Variants in RSU1 observed in about 807,000 individuals in gnomAD.
The protein encoded by RSU1 is Ras suppressor protein 1, also known as rsu-1.
Under a neutral mutation model 31.1 loss-of-function variants are expected in RSU1, and 26 were observed. The ratio of observed to expected loss-of-function variants is 0.84; its 90% CI spans 0.61 to 1.16. RSU1 has a LOEUF of 1.16. Among genes scored for constraint, RSU1 ranks in the 50% most tolerant of loss-of-function variants. The pLI, the probability that RSU1 is intolerant of heterozygous loss-of-function variation, is 0.00. For missense variants in RSU1, 320 were observed against 339.1 expected, an observed-to-expected ratio of 0.94 and a Z score of 0.44; for synonymous variants, 164 against 136.3, an observed-to-expected ratio of 1.20 and a Z score of -1.41.
intron 8 of RSU1, among the ~76,000 whole-genome samples, chr10:16,687,066 G>A (rs1344892880): frequency 1.3e-5 from 2 of 152,186 alleles, no homozygotes; most frequent in Non-Finnish European, 2.9e-5. Flanking sequence ...GAGGACCAGA[G>A]GGAAGTAGTG....
At chr10:16,636,142 A>C (rs1834341437) in intron 8 of RSU1, among the ~76,000 whole-genome samples, 1 of 151,980 alleles carries the variant, frequency 6.6e-6, no homozygotes, top group Admixed American at 6.6e-5. Context: ...TCAACCAACA[A>C]CACATCTCTA....
Position 16,592,182 on chromosome 10 carries a change from A to G in RSU1, c.*1212T>C, listed in dbSNP as rs1470064428. On this transcript the variant is annotated 3_prime_UTR_variant, in exon 9 of 9. Transcript: ENST00000345264. ...AGTGGGTCCTGGTCTTGGGAGCTCA[A>G]CTGGGAAGCCGAAAGGACACAGCAG... 1 of 152,148 alleles carries G rather than the reference A, an allele frequency of 6.6e-6. No individual in the cohort carries two copies. Among genetic ancestry groups the G allele is most frequent in the East Asian group, 1.9e-4 (1 of 5,198 alleles). The allele number at this position is 152,148 out of a possible 1,614,324, so 9.4% of individuals were successfully genotyped here.
intron 2 of RSU1, among the ~76,000 whole-genome samples, chr10:16,784,527 T>A (rs1341237320): frequency 6.6e-6 from 1 of 152,134 alleles, no homozygotes; most frequent in African/African-American, 2.4e-5. Context: ...GCAGGCATCT[T>A]CACATGGGGT....
chr10:16,790,513 G>A (rs1837889417), intron 2 of RSU1, among the ~76,000 whole-genome samples: 2 of 152,176 alleles, frequency 1.3e-5, no homozygotes, highest in Admixed American at 1.3e-4. Flanking sequence ...ACTGAGAAAT[G>A]CTTTAGGGTA....
chr10:16,626,049 CTT>C (rs112699947), intron 8 of RSU1, among the ~76,000 whole-genome samples: 18 of 144,162 alleles, frequency 1.2e-4, no homozygotes, highest in Admixed American at 1.4e-4. Flanking sequence ...TTCCTTTTTT[CTT>C]TTTTTTTTTT....
At chr10:16,681,270 A>G (rs1835323947) in intron 8 of RSU1, among the ~76,000 whole-genome samples, 1 of 152,206 alleles carries the variant, frequency 6.6e-6, no homozygotes, top group Non-Finnish European at 1.5e-5. Context: ...TTATCTGATA[A>G]TAAATTTTTG....
At chr10:16,709,279 AATG>A (rs1235991803) in intron 7 of RSU1, among the ~76,000 whole-genome samples, 2 of 152,048 alleles carry the variant, frequency 1.3e-5, no homozygotes, top group Admixed American at 6.5e-5. Context: ...GTTTACTGAG[AATG>A]ATGATTTCCA....
chr10:16,783,847 AAC>A (rs1837712720), intron 2 of RSU1, among the ~76,000 whole-genome samples: 1 of 152,092 alleles, frequency 6.6e-6, no homozygotes, highest in Admixed American at 6.5e-5. Flanking sequence ...CAACCATTAA[AAC>A]AGTTAACCCA....
At chr10:16,731,555 G>A (rs919463831) in intron 7 of RSU1, among the ~76,000 whole-genome samples, 3 of 152,088 alleles carry the variant, frequency 2.0e-5, no homozygotes, top group South Asian at 2.1e-4. Context: ...AAGCTTTTAC[G>A]GTGCCTGGCA....
intron 8 of RSU1, among the ~76,000 whole-genome samples, chr10:16,646,166 C>T (rs1226811432): frequency 6.6e-6 from 1 of 151,206 alleles, no homozygotes; most frequent in Non-Finnish European, 1.5e-5. Context: ...GTTTCTGGAA[C>T]CACTGGGCAC....
At chr10:16,730,482 G>T (rs1451312873) in intron 7 of RSU1, among the ~76,000 whole-genome samples, 1 of 152,174 alleles carries the variant, frequency 6.6e-6, no homozygotes, top group Non-Finnish European at 1.5e-5. Context: ...AACCACCACA[G>T]ATGAGTGAGA....
At chr10:16,773,606 T>C (rs554198124) in intron 3 of RSU1, among the ~76,000 whole-genome samples, 3 of 152,334 alleles carry the variant, frequency 2.0e-5, no homozygotes, top group South Asian at 4.1e-4. Flanking sequence ...TGTCGCCTCC[T>C]CATTCTGGTC....
chr10:16,617,614 G>T lies in RSU1; in HGVS notation c.732-24118C>A, dbSNP rs547685100. Reference sequence around the variant, plus strand: ...CTACAAGGCTACAGTAACCAAAACAGCATGGTACTGGTATCAAAACAGATA... The same window carrying T: ...CTACAAGGCTACAGTAACCAAAACATCATGGTACTGGTATCAAAACAGATA... On this transcript the variant is annotated intron_variant, in intron 8 of 8. Transcript: ENST00000345264. Among the ~76,000 whole-genome samples, 281 of 152,294 alleles carry T rather than the reference G, an allele frequency of 1.8e-3. 9 individuals are homozygous for T. The South Asian group carries it at 0.057, about 31-fold the overall frequency.
intron 8 of RSU1, among the ~76,000 whole-genome samples, chr10:16,662,829 G>C (rs1834913075): frequency 1.3e-5 from 2 of 151,992 alleles, no homozygotes; most frequent in Admixed American, 6.6e-5. Context: ...AAAAGTAAAA[G>C]ACAAAATAAT....
intron 8 of RSU1, among the ~76,000 whole-genome samples, chr10:16,692,730 T>A (rs2131560353): frequency 6.6e-6 from 1 of 152,194 alleles, no homozygotes; most frequent in African/African-American, 2.4e-5. Flanking sequence ...TACATTCGTA[T>A]TTTTTTAAAA....
At chr10:16,602,143 C>A (rs145114112) in intron 8 of RSU1, among the ~76,000 whole-genome samples, 9 of 152,140 alleles carry the variant, frequency 5.9e-5, no homozygotes, top group African/African-American at 2.2e-4. Flanking sequence ...TATTTTGAGG[C>A]CTTGAAGACT....
intron 8 of RSU1, among the ~76,000 whole-genome samples, chr10:16,611,925 C>T (rs1217854022): frequency 1.3e-5 from 2 of 152,170 alleles, no homozygotes; most frequent in African/African-American, 2.4e-5. Flanking sequence ...GAAATTCATT[C>T]GTGATTCTTG....
At position 16,592,327 on chromosome 10, in the gene RSU1, A is replaced by G. The variant is rs1833520948; in HGVS notation, c.*1067T>C. 6.6e-6 allele frequency: 1 copy of G among 152,194 alleles called. No individual in the cohort carries two copies. Among genetic ancestry groups the G allele is most frequent in the South Asian group, 2.1e-4 (1 of 4,834 alleles). 9.4% of individuals were successfully genotyped at this position (152,194 alleles called of 1,614,324 possible). Reference sequence around the variant, plus strand: ...TCTGGGGTTGACAGCCCTTTCAGTGAGCACAAAACCTCAGCTTGCATTTAT... The same window carrying G: ...TCTGGGGTTGACAGCCCTTTCAGTGGGCACAAAACCTCAGCTTGCATTTAT... On this transcript the variant is annotated 3_prime_UTR_variant, in exon 9 of 9. Transcript: ENST00000345264.
At chr10:16,728,882 A>G (rs1836448604) in intron 7 of RSU1, among the ~76,000 whole-genome samples, 1 of 152,246 alleles carries the variant, frequency 6.6e-6, no homozygotes, top group African/African-American at 2.4e-5. Flanking sequence ...GCAAGGAGCC[A>G]TTCTCCTCTA....
Sources: gnomAD v4.1 joint callset for allele counts (sites outside exome capture counted in the v4.1 genomes callset) on GRCh38, gnomAD v4.1.1 for gene constraint, MANE v1.5 for transcripts, NCBI Gene and HGNC (gene_info 2026-07-23, HGNC 2026-07-21) for gene names.